SCML4: variants seen among roughly 807,000 people sequenced by gnomAD.
SCML4 encodes the protein Scm polycomb group protein like 4.
A neutral mutation model predicts 41.1 loss-of-function variants in SCML4; 34 were observed. The ratio of observed to expected loss-of-function variants is 0.83; its 90% CI spans 0.63 to 1.10. The LOEUF is 1.10. SCML4 is among the 50% of genes least tolerant of loss of function. SCML4 has a pLI of 0.00. For synonymous variants in SCML4, 214 were observed against 220.9 expected (o/e 0.97, Z 0.28); for missense variants, 522 against 534.1 (o/e 0.98, Z 0.22).
chr6:107,708,052 C>T (rs1282824524), intron 6 of SCML4, 41 bp from the exon 7 acceptor site: 1 of 1,542,888 alleles, frequency 6.5e-7, no homozygotes, highest in East Asian at 2.4e-5. Flanking sequence ...GCCAGTGGGA[C>T]AGGGCCTTGC....
intron 5 of SCML4, among the ~76,000 whole-genome samples, chr6:107,737,666 A>G (rs1777205258): frequency 6.6e-6 from 1 of 152,208 alleles, no homozygotes; most frequent in Non-Finnish European, 1.5e-5. Flanking sequence ...AGCTGCACCA[A>G]TATCAGCAGC....
chr6:107,734,392 G>A (rs887549539), intron 5 of SCML4, among the ~76,000 whole-genome samples: 3 of 152,156 alleles, frequency 2.0e-5, no homozygotes, highest in East Asian at 1.9e-4. Context: ...TACCTTGGGC[G>A]ATTAAAACAA....
chr6:107,811,709 G>T (rs1234231783), intron 1 of SCML4, among the ~76,000 whole-genome samples: 2 of 152,158 alleles, frequency 1.3e-5, no homozygotes. Context: ...CTGACCTAAA[G>T]ACTTTTTCTT....
rs150348263 is a variant in SCML4, at chr6:107,733,614, C to T, written c.682+11335G>A. ...CTGCAGATAGCAGTACCTTAGGGTC[C>T]GCCACAGGGGCTCAGGGTTGTGGTC... On this transcript the variant is annotated intron_variant, in intron 5 of 7. Coordinates refer to ENST00000369020, the MANE Select transcript of SCML4 (RefSeq NM_198081.5). Among the ~76,000 whole-genome samples, 44 of 152,278 alleles carry T rather than the reference C, an allele frequency of 2.9e-4. 1 individual carries two copies. The highest frequency in any genetic ancestry group is 2.1e-4 in the South Asian group (1 of 4,828).
chr6:107,814,714 G>A (rs11759820), intron 1 of SCML4, among the ~76,000 whole-genome samples: 4 of 152,070 alleles, frequency 2.6e-5, no homozygotes, highest in African/African-American at 4.8e-5. Context: ...CACCACACTC[G>A]GCTAATTTTT....
At chr6:107,800,397 G>A (rs1783026728) in intron 1 of SCML4, among the ~76,000 whole-genome samples, 1 of 152,070 alleles carries the variant, frequency 6.6e-6, no homozygotes, top group Admixed American at 6.5e-5. Context: ...GCTTTATTTA[G>A]ATTGAGTTTA....
At chr6:107,831,411 CAAAAAAAAAAA>C in the SCML4 span, among the ~76,000 whole-genome samples, 1 of 107,504 alleles carries the variant, frequency 9.3e-6, no homozygotes, top group African/African-American at 3.5e-5. Context: ...TTTTCATTCT[CAAAAAAAAAAA>C]AAAAAAAAAA....
intron 5 of SCML4, among the ~76,000 whole-genome samples, chr6:107,721,809 C>T (rs963857429): frequency 5.9e-5 from 9 of 152,222 alleles, no homozygotes; most frequent in Admixed American, 3.3e-4. Flanking sequence ...AGCCATCCTC[C>T]GCCACGGCTA....
chr6:107,815,016 A>G (rs1255857866), intron 1 of SCML4, among the ~76,000 whole-genome samples: 1 of 152,226 alleles, frequency 6.6e-6, no homozygotes, highest in African/African-American at 2.4e-5. Context: ...GGGCACCCCA[A>G]AGTTCCTACC....
intron 5 of SCML4, among the ~76,000 whole-genome samples, chr6:107,736,080 C>A (rs976537933): frequency 6.6e-6 from 1 of 152,066 alleles, no homozygotes; most frequent in Non-Finnish European, 1.5e-5. Flanking sequence ...AGTTCCCTGG[C>A]AGCTGGAATG....
chr6:107,772,391 G>C lies in SCML4; in HGVS notation c.-59-5C>G. 6.9e-7 allele frequency: 1 copy of C among 1,441,618 alleles called. No homozygotes were observed. Among genetic ancestry groups the C allele is most frequent in the Middle Eastern group, 2.0e-4 (1 of 4,990 alleles). The allele number at this position is 1,441,618 out of a possible 1,614,324, so 89.3% of individuals were successfully genotyped here. A position where few individuals can be genotyped will look rare whatever the true frequency, so the allele number is the denominator to read the frequency against. ...CGCTCACAGGCAGAAGAGGTGCTAA[G>C]AATTAGTCCAGACACAAAGCAAAAC... On this transcript the variant is annotated splice_region_variant and splice_polypyrimidine_tract_variant and intron_variant, in intron 1 of 7. Coordinates refer to ENST00000369020, the MANE Select transcript of SCML4 (RefSeq NM_198081.5).
chr6:107,708,620 C>A (rs1030589703), intron 6 of SCML4, among the ~76,000 whole-genome samples: 2 of 152,214 alleles, frequency 1.3e-5, no homozygotes, highest in African/African-American at 4.8e-5. Flanking sequence ...TCCCCTCACT[C>A]ACTGCCCCAG....
At chr6:107,809,387 A>G (rs1783987647) in intron 1 of SCML4, among the ~76,000 whole-genome samples, 1 of 152,222 alleles carries the variant, frequency 6.6e-6, no homozygotes, top group Admixed American at 6.5e-5. Flanking sequence ...ACTTGGTGCA[A>G]CGTATGAAGC....
chr6:107,762,876 C>CTTTTTTTTTTTTTTTTTTT (rs57370632), intron 2 of SCML4, among the ~76,000 whole-genome samples: 4 of 89,654 alleles, frequency 4.5e-5, no homozygotes, highest in Non-Finnish European at 7.7e-5. Flanking sequence ...TAAATGCACT[C>CTTTTTTTTTTTTTTTTTTT]TTTTTTTTTT....
chr6:107,752,178 G>C (rs1778750312), intron 2 of SCML4, among the ~76,000 whole-genome samples: 1 of 152,176 alleles, frequency 6.6e-6, no homozygotes, highest in African/African-American at 2.4e-5. Context: ...TTGACACCAG[G>C]AGGGCTCTAG....
chr6:107,842,675 T>G, the SCML4 span, among the ~76,000 whole-genome samples: 58 of 152,338 alleles, frequency 3.8e-4, 1 homozygote, highest in African/African-American at 1.3e-3. Flanking sequence ...ATTACAGGCA[T>G]GAGCCACTGC....
chr6:107,829,778 A>AAATT, the SCML4 span, among the ~76,000 whole-genome samples: 61,807 of 151,500 alleles, frequency 0.41, 15,161 homozygotes, highest in East Asian at 0.71. Context: ...ATAAATAAAT[A>AAATT]AATATTGGTT....
chr6:107,776,254 C>G (rs906055915), intron 1 of SCML4, among the ~76,000 whole-genome samples: 3 of 152,008 alleles, frequency 2.0e-5, no homozygotes, highest in Admixed American at 6.6e-5. Flanking sequence ...ATGGGAACAA[C>G]AAAAGGTTAA....
chr6:107,814,870 A>T (rs1784451497), intron 1 of SCML4, among the ~76,000 whole-genome samples: 1 of 152,056 alleles, frequency 6.6e-6, no homozygotes, highest in Admixed American at 6.5e-5. Flanking sequence ...GGTGCTTTCT[A>T]AAATACCATA....
Sources: gnomAD v4.1 joint callset for allele counts (sites outside exome capture counted in the v4.1 genomes callset) on GRCh38, gnomAD v4.1.1 for gene constraint, MANE v1.5 for transcripts, NCBI Gene and HGNC (gene_info 2026-07-23, HGNC 2026-07-21) for gene names.